NCOA2: variants seen among roughly 807,000 people sequenced by gnomAD.
NCOA2 encodes nuclear receptor coactivator 2.
A neutral mutation model predicts 145.1 loss-of-function variants in NCOA2; 21 were observed. The ratio of observed to expected loss-of-function variants is 0.14; its 90% CI spans 0.10 to 0.21. The LOEUF (loss-of-function observed/expected upper bound fraction) is 0.21. Ranked by LOEUF, NCOA2 falls within the 10% of genes least tolerant of loss-of-function variation. The probability of loss-of-function intolerance (pLI) is 1.00; values close to 1 mark genes in which losing one functional copy is unlikely to be tolerated. For synonymous variants in NCOA2, 619 were observed against 637.5 expected (o/e 0.97, Z 0.44); for missense variants, 1,472 against 1,837.6 (o/e 0.80, Z 3.64).
chr8:70,129,049 G>T (rs942050617), intron 16 of NCOA2, 69 bp from the exon 17 acceptor site: 9 of 1,416,640 alleles, frequency 6.4e-6, no homozygotes, highest in Non-Finnish European at 8.6e-6. Context: ...ATATAAGGCT[G>T]TTTTCTCTCA....
Position 70,113,506 on chromosome 8 carries a change from T to G in NCOA2, c.*126A>C. On this transcript the variant is annotated 3_prime_UTR_variant, in exon 23 of 23. Coordinates refer to ENST00000452400, the MANE Select transcript of NCOA2 (RefSeq NM_006540.4). ...CCACCCTGGGAACCAGGGCCAGGCC[T>G]GTCTGCTCTAGCAGAACCGGCTGGC... is the stretch of plus-strand genomic sequence containing the variant. The G allele has an allele frequency of 9.1e-7, 1 of 1,102,536 alleles. No homozygotes were observed. The highest frequency in any genetic ancestry group is 1.3e-6 in the Non-Finnish European group (1 of 746,828). The allele number at this position is 1,102,536 out of a possible 1,614,324, so 68.3% of individuals were successfully genotyped here.
intron 2 of NCOA2, among the ~76,000 whole-genome samples, chr8:70,290,810 TA>T (rs61035289): frequency 1.5e-4 from 22 of 147,668 alleles, no homozygotes; most frequent in Admixed American, 6.7e-4. Flanking sequence ...AATTTCAGCT[TA>T]AAAAAAAAAC....
chr8:70,290,943 C>T (rs780639294), intron 2 of NCOA2, among the ~76,000 whole-genome samples: 14 of 152,278 alleles, frequency 9.2e-5, no homozygotes, highest in South Asian at 2.1e-4. Flanking sequence ...ATACATCTGG[C>T]ATTTGCCTTC....
chr8:70,127,084 G>T, intron 18 of NCOA2, 37 bp from the exon 19 acceptor site: 1 of 1,440,448 alleles, frequency 6.9e-7, no homozygotes, highest in East Asian at 2.3e-5. Flanking sequence ...AAAATGTCGG[G>T]GACAGACATA....
At chr8:70,329,643 C>G (rs1364818214) in intron 1 of NCOA2, among the ~76,000 whole-genome samples, 1 of 151,922 alleles carries the variant, frequency 6.6e-6, no homozygotes, top group African/African-American at 2.4e-5. Flanking sequence ...ATTCATAACA[C>G]CAAAATAGAA....
At chr8:70,196,526 C>T (rs570490995) in intron 4 of NCOA2, among the ~76,000 whole-genome samples, 7 of 152,302 alleles carry the variant, frequency 4.6e-5, no homozygotes, top group African/African-American at 1.7e-4. Context: ...CCTAAAGGTG[C>T]TGTTTGCTAT....
At chr8:70,395,210 T>C (rs977601996) in intron 1 of NCOA2, among the ~76,000 whole-genome samples, 1 of 152,254 alleles carries the variant, frequency 6.6e-6, no homozygotes, top group Admixed American at 6.5e-5. Context: ...CAAAGGTTCA[T>C]ACCCAAAGTG....
At chr8:70,445,456 C>A in the NCOA2 span, among the ~76,000 whole-genome samples, 2 of 152,084 alleles carry the variant, frequency 1.3e-5, no homozygotes, top group South Asian at 2.1e-4. Context: ...AATATTGAGC[C>A]GAGCCTGTAA....
intron 14 of NCOA2, among the ~76,000 whole-genome samples, chr8:70,139,963 A>G (rs1165888027): frequency 6.6e-6 from 1 of 152,062 alleles, no homozygotes; most frequent in Non-Finnish European, 1.5e-5. Flanking sequence ...TCATTGTGCA[A>G]TATCTAAGTA....
intron 4 of NCOA2, among the ~76,000 whole-genome samples, chr8:70,188,648 A>G (rs1816338716): frequency 6.6e-6 from 1 of 152,104 alleles, no homozygotes; most frequent in African/African-American, 2.4e-5. Context: ...TTAATTGTAC[A>G]ACAAAAAAAA....
intron 1 of NCOA2, among the ~76,000 whole-genome samples, chr8:70,336,822 C>A (rs770907165): frequency 6.6e-6 from 1 of 152,120 alleles, no homozygotes. Context: ...AATGTATATA[C>A]CGCATTCTGC....
intron 1 of NCOA2, among the ~76,000 whole-genome samples, chr8:70,353,260 GT>G (rs1315700019): frequency 4.0e-5 from 6 of 150,910 alleles, no homozygotes; most frequent in Non-Finnish European, 7.4e-5. Flanking sequence ...GTTTGTTTTT[GT>G]TTTTTTGAGA....
intron 1 of NCOA2, chr8:70,402,017 A>T (rs1300414319): frequency 6.6e-6 from 1 of 152,320 alleles, no homozygotes; most frequent in Non-Finnish European, 1.5e-5. Context: ...CAACCCCAGA[A>T]ATCAAGGAGC....
At chr8:70,327,765 A>C (rs537969092) in intron 1 of NCOA2, among the ~76,000 whole-genome samples, 2 of 152,192 alleles carry the variant, frequency 1.3e-5, no homozygotes, top group African/African-American at 4.8e-5. Context: ...GTATTAAGAG[A>C]GTTTTAAAAA....
upstream of NCOA2, among the ~76,000 whole-genome samples, chr8:70,407,177 G>T (rs114354629): frequency 6.6e-6 from 1 of 152,188 alleles, no homozygotes. Flanking sequence ...GGGTGGGGGC[G>T]TCAGTTAAAA....
chr8:70,325,036 T>G (rs1020295367), intron 1 of NCOA2, among the ~76,000 whole-genome samples: 2 of 152,232 alleles, frequency 1.3e-5, no homozygotes, highest in Non-Finnish European at 2.9e-5. Context: ...TATCCATATC[T>G]TTAAACATAA....
rs370996142 is a variant in NCOA2 at position 70,342,252 on chromosome 8, T to A, written c.-76-45452A>T. Among the ~76,000 whole-genome samples, 3 of 152,250 alleles carry A rather than the reference T, an allele frequency of 2.0e-5. No homozygotes were observed. The East Asian group carries it at 5.8e-4, about 29-fold the overall frequency. On this transcript the variant is annotated intron_variant, in intron 1 of 22. Coordinates refer to ENST00000452400, the MANE Select transcript of NCOA2 (RefSeq NM_006540.4). The stretch of plus-strand genomic sequence containing the variant: ...TATTTAAATTAACCACAATAAGCAA[T>A]CACTTTCAGCATCTTGAAAATTAAA...
chr8:70,393,748 G>A (rs1449315194), intron 1 of NCOA2, among the ~76,000 whole-genome samples: 1 of 152,160 alleles, frequency 6.6e-6, no homozygotes, highest in African/African-American at 2.4e-5. Context: ...TCTCTTCTCC[G>A]CTAAATGTGT....
In NCOA2 at chr8:70,324,949, A is replaced by C. The variant is rs555145045; in HGVS notation, c.-76-28149T>G. Among the ~76,000 whole-genome samples the C allele has an allele frequency of 7.9e-5, 12 of 152,304 alleles. No homozygotes were observed. The South Asian group carries it at 2.5e-3, about 32-fold the overall frequency. On this transcript the variant is annotated intron_variant, in intron 1 of 22. Transcript: ENST00000452400. The stretch of plus-strand genomic sequence containing the variant: ...AAGAGAGGAAGAAATATTCACCACT[A>C]TCTCTACCCCCATGAAGTAACTTCT...
Sources: allele counts gnomAD v4.1 joint callset (sites outside exome capture counted in the v4.1 genomes callset), GRCh38; gene constraint gnomAD v4.1.1; transcripts MANE v1.5; gene names NCBI Gene and HGNC (gene_info 2026-07-23, HGNC 2026-07-21).